CFAP263: variants seen among roughly 807,000 people sequenced by gnomAD.
CFAP263 encodes cilia- and flagella-associated protein 263.
chr16:58,270,475 TA>T, the CFAP263 span, among the ~76,000 whole-genome samples: 745 of 144,878 alleles, frequency 5.1e-3, 9 homozygotes, highest in Non-Finnish European at 7.2e-3. Context: ...TATCTTAAAG[TA>T]AAAAAAAAAA....
the CFAP263 span, chr16:58,254,291 G>T: frequency 1.1e-6 from 1 of 926,152 alleles, no homozygotes; most frequent in East Asian, 2.5e-5. Context: ...GCGAATCCAG[G>T]GCCTATCTTC....
chr16:58,279,195 C>T, the CFAP263 span, among the ~76,000 whole-genome samples: 79 of 152,166 alleles, frequency 5.2e-4, no homozygotes, highest in Non-Finnish European at 1.0e-3. Context: ...AAGACAAGCA[C>T]CTAGGCTGCC....
At chr16:58,261,590 G>A in the CFAP263 span, among the ~76,000 whole-genome samples, 1 of 152,232 alleles carries the variant, frequency 6.6e-6, no homozygotes, top group Non-Finnish European at 1.5e-5. Context: ...AAGCTTCCAG[G>A]GGCTCAGCAG....
At chr16:58,275,614 G>A in the CFAP263 span, among the ~76,000 whole-genome samples, 4 of 152,070 alleles carry the variant, frequency 2.6e-5, no homozygotes, top group Non-Finnish European at 2.9e-5. Context: ...GAAGATCAAA[G>A]AAAAATTTAT....
At chr16:58,275,252 G>A in the CFAP263 span, among the ~76,000 whole-genome samples, 1 of 152,186 alleles carries the variant, frequency 6.6e-6, no homozygotes, top group African/African-American at 2.4e-5. Flanking sequence ...TGAGTGGGTA[G>A]GTCTCGGGTA....
the CFAP263 span, among the ~76,000 whole-genome samples, chr16:58,259,210 T>G: frequency 6.6e-6 from 1 of 152,104 alleles, no homozygotes; most frequent in African/African-American, 2.4e-5. Context: ...CAGGTAAATC[T>G]CTTTTTCAAA....
the CFAP263 span, chr16:58,252,996 C>T: frequency 2.5e-6 from 2 of 784,880 alleles, no homozygotes; most frequent in African/African-American, 1.7e-5. Flanking sequence ...TTTTCTTTGC[C>T]CTCTAGGGTT....
chr16:58,265,604 C>T, the CFAP263 span, among the ~76,000 whole-genome samples: 1 of 152,204 alleles, frequency 6.6e-6, no homozygotes, highest in South Asian at 2.1e-4. Context: ...TCTGGGCGGA[C>T]ACCTTGATTT....
chr16:58,278,753 A>T, the CFAP263 span: 1 of 948,656 alleles, frequency 1.1e-6, no homozygotes, highest in Admixed American at 2.6e-5. Context: ...TCTGGGAGAA[A>T]CCTCAGCAGT....
the CFAP263 span, chr16:58,258,606 C>T: frequency 5.3e-6 from 7 of 1,321,656 alleles, no homozygotes; most frequent in Non-Finnish European, 7.4e-6. Flanking sequence ...AGCAGCCTAG[C>T]TCCCTTTGGT....
the CFAP263 span, chr16:58,279,657 A>G: frequency 2.7e-6 from 4 of 1,499,256 alleles, no homozygotes; most frequent in South Asian, 3.6e-5. Context: ...CTCCTTTATC[A>G]TTTTTTTTCT....
At chr16:58,280,325 C>T in the CFAP263 span, 1 of 1,614,186 alleles carries the variant, frequency 6.2e-7, no homozygotes, top group Non-Finnish European at 8.5e-7. Flanking sequence ...CCTTCCCCCA[C>T]CTCCCCACCG....
At chr16:58,274,220 G>A in the CFAP263 span, among the ~76,000 whole-genome samples, 1 of 152,146 alleles carries the variant, frequency 6.6e-6, no homozygotes, top group Non-Finnish European at 1.5e-5. Context: ...TCTTCTTAGT[G>A]GTCTCTTTTG....
chr16:58,279,572 A>G, the CFAP263 span: 3 of 783,456 alleles, frequency 3.8e-6, no homozygotes, highest in African/African-American at 3.5e-5. Flanking sequence ...GGTTGCCTGC[A>G]CCATCACGGG....
chr16:58,253,252 G>A, the CFAP263 span, among the ~76,000 whole-genome samples: 6 of 152,146 alleles, frequency 3.9e-5, no homozygotes, highest in Non-Finnish European at 8.8e-5. Flanking sequence ...GTGGTGATAT[G>A]CACCTGTAGT....
At chr16:58,275,103 T>G in the CFAP263 span, among the ~76,000 whole-genome samples, 94,540 of 152,144 alleles carry the variant, frequency 0.62, 30,653 homozygotes, top group African/African-American at 0.81. Flanking sequence ...ACAGGAGGTA[T>G]TCACTGAACA....
At chr16:58,271,984 A>G in the CFAP263 span, among the ~76,000 whole-genome samples, 1 of 151,618 alleles carries the variant, frequency 6.6e-6, no homozygotes, top group African/African-American at 2.4e-5. Context: ...TTTATTTTTA[A>G]CATCATTTAT....
the CFAP263 span, among the ~76,000 whole-genome samples, chr16:58,267,744 T>C: frequency 6.6e-6 from 1 of 152,024 alleles, no homozygotes; most frequent in Non-Finnish European, 1.5e-5. Context: ...AAGCACAAAG[T>C]GGCACCTGGA....
At chr16:58,253,389 T>TA in the CFAP263 span, among the ~76,000 whole-genome samples, 879 of 142,176 alleles carry the variant, frequency 6.2e-3, 10 homozygotes, top group East Asian at 0.057. Context: ...TCAAAAAAAT[T>TA]AAAAAAAAAA....
Sources: gnomAD v4.1 joint callset for allele counts (sites outside exome capture counted in the v4.1 genomes callset) on GRCh38, gnomAD v4.1.1 for gene constraint, MANE v1.5 for transcripts, NCBI Gene and HGNC (gene_info 2026-07-23, HGNC 2026-07-21) for gene names.